Variants in PKD1L1 observed in about 807,000 individuals in gnomAD.
The protein encoded by PKD1L1 is polycystin 1 like 1, transient receptor potential channel interacting.
PKD1L1 carries 236 observed loss-of-function variants against 323.4 expected under a neutral mutation model. That is an observed-to-expected ratio of 0.73 (90% CI 0.66 to 0.81). The LOEUF is 0.81. Ranked by LOEUF, PKD1L1 falls within the 40% of genes least tolerant of loss-of-function variation. PKD1L1 has a pLI of 0.00. For missense variants in PKD1L1, 3,320 were observed against 3,508.0 expected, an observed-to-expected ratio of 0.95 and a Z score of 1.35; for synonymous variants, 1,344 against 1,335.0, an observed-to-expected ratio of 1.01 and a Z score of -0.15.
chr7:47,895,847 T>G (rs970758645), intron 14 of PKD1L1, among the ~76,000 whole-genome samples: 12 of 152,170 alleles, frequency 7.9e-5, no homozygotes, highest in African/African-American at 2.9e-4. Context: ...GTTAATTAGT[T>G]GATGTTTGGT....
At chr7:47,836,252 G>A (rs1785454772) in intron 37 of PKD1L1, among the ~76,000 whole-genome samples, 1 of 152,148 alleles carries the variant, frequency 6.6e-6, no homozygotes, top group African/African-American at 2.4e-5. Flanking sequence ...CCATGGATGG[G>A]TCGCTGACCC....
intron 45 of PKD1L1, among the ~76,000 whole-genome samples, chr7:47,823,250 G>C (rs946756124): frequency 1.3e-5 from 2 of 152,112 alleles, no homozygotes; most frequent in Non-Finnish European, 2.9e-5. Context: ...CCTACTTCTA[G>C]TCCTAGTTTG....
Position 47,809,882 on chromosome 7 carries a change from C to T in PKD1L1, c.7582-305G>A, listed in dbSNP as rs184832697. ...CTACGGCCACCAGGCCTCCCGACCT[C>T]CATGCTGATCCTCCAGTCCTTCCTT... On this transcript the variant is annotated intron_variant, in intron 50 of 56. Transcript: ENST00000289672. The T allele has an allele frequency of 7.7e-5, 19 of 246,570 alleles. No homozygotes were observed. The East Asian group carries it at 1.3e-3, about 16-fold the overall frequency. 15.3% of individuals were successfully genotyped at this position (246,570 alleles called of 1,614,324 possible). A position where few individuals can be genotyped will look rare whatever the true frequency, so the allele number is the denominator to read the frequency against.
intron 19 of PKD1L1, among the ~76,000 whole-genome samples, chr7:47,883,930 C>A (rs1301467147): frequency 1.3e-5 from 2 of 152,230 alleles, no homozygotes; most frequent in African/African-American, 4.8e-5. Context: ...AACATCTGTT[C>A]ATTCGATAGA....
intron 14 of PKD1L1, among the ~76,000 whole-genome samples, chr7:47,897,590 CCAGG>C (rs1324235184): frequency 1.1e-4 from 16 of 152,218 alleles, no homozygotes; most frequent in African/African-American, 3.9e-4. Flanking sequence ...AATCAAAGTG[CCAGG>C]CAGTCACCGT....
At chr7:47,818,107 C>A in intron 46 of PKD1L1, 1 of 1,367,714 alleles carries the variant, frequency 7.3e-7, no homozygotes, top group Non-Finnish European at 9.8e-7. Context: ...AAATTGGAGG[C>A]CTGCCAGAGC....
chr7:47,959,960 G>C, the PKD1L1 span, among the ~76,000 whole-genome samples: 2 of 151,854 alleles, frequency 1.3e-5, no homozygotes, highest in Non-Finnish European at 2.9e-5. Context: ...TTGAGAAATC[G>C]GATGGTTGCC....
Position 47,894,036 on chromosome 7 carries a change from C to T in PKD1L1, c.2295G>A (p.Val765=), listed in dbSNP as rs1244478606. Reference sequence around the variant, plus strand: ...CCAGGCCCACACAGTAGTTGCTGTACACCACACTGCCTTCAATCTGAACCT... The same window carrying T: ...CCAGGCCCACACAGTAGTTGCTGTATACCACACTGCCTTCAATCTGAACCT... ...LAKVQIEGSV[V]YSNYCVGLEV... The change falls in exon 15 of 57, where the codon GTG becomes GTA. Residue 765 remains valine (V), a synonymous_variant. Transcript: ENST00000289672. 1.9e-6 allele frequency: 3 copies of T among 1,583,504 alleles called. No individual in the cohort carries two copies. Among genetic ancestry groups the T allele is most frequent in the African/African-American group, 1.4e-5 (1 of 74,040 alleles).
At chr7:47,814,087 A>C in intron 47 of PKD1L1, 73 bp from the exon 48 acceptor site, 2 of 1,255,784 alleles carry the variant, frequency 1.6e-6, no homozygotes, top group Non-Finnish European at 2.3e-6. Flanking sequence ...GCGTGCTCAA[A>C]AGGCGTGGGG....
In PKD1L1 at chr7:47,830,025, G is replaced by A. The variant is rs1446011169; in HGVS notation, c.6558+15C>T. ...GCTGATGGAAGGCACTTCTACCATG[G>A]AGGGTGTTTCTTACCATAAGTGGCT... is the stretch of plus-strand genomic sequence containing the variant. On this transcript the variant is annotated intron_variant, in intron 43 of 56. Transcript: ENST00000289672. 6.2e-7 allele frequency: 1 copy of A among 1,612,520 alleles called. No individual in the cohort carries two copies. The highest frequency in any genetic ancestry group is 1.3e-5 in the African/African-American group (1 of 75,036).
upstream of PKD1L1, among the ~76,000 whole-genome samples, chr7:47,953,460 A>G (rs955565454): frequency 2.6e-5 from 4 of 152,144 alleles, no homozygotes; most frequent in African/African-American, 9.7e-5. Flanking sequence ...GTGAGCCCAG[A>G]TCGTATGATG....
At chr7:47,879,422 A>G (rs1329437138) in intron 21 of PKD1L1, among the ~76,000 whole-genome samples, 1 of 152,040 alleles carries the variant, frequency 6.6e-6, no homozygotes, top group African/African-American at 2.4e-5. Context: ...ACTTGAGGTC[A>G]TGAGTTCGAG....
At chr7:47,812,090 A>G (rs1200006153) in intron 49 of PKD1L1, 39 bp from the exon 50 acceptor site, 4 of 1,507,742 alleles carry the variant, frequency 2.7e-6, no homozygotes, top group Non-Finnish European at 3.6e-6. Context: ...CAGGGCAGGG[A>G]GAAAGGCACA....
chr7:47,926,219 T>C (rs1405414872), intron 7 of PKD1L1, among the ~76,000 whole-genome samples: 1 of 152,254 alleles, frequency 6.6e-6, no homozygotes, highest in Admixed American at 6.5e-5. Flanking sequence ...GTCTGCATGA[T>C]AAAATCTTTG....
intron 7 of PKD1L1, among the ~76,000 whole-genome samples, chr7:47,923,979 G>GAA (rs1787608952): frequency 6.6e-6 from 1 of 151,856 alleles, no homozygotes. Context: ...GAGAGGAAAA[G>GAA]ATGAAAACTG....
intron 56 of PKD1L1, among the ~76,000 whole-genome samples, chr7:47,781,555 C>T (rs1002110174): frequency 1.3e-5 from 2 of 151,636 alleles, no homozygotes; most frequent in East Asian, 1.9e-4. Flanking sequence ...ACTACAGGAG[C>T]CTGCCACCAT....
intron 22 of PKD1L1, 37 bp downstream of exon 22, chr7:47,877,452 G>A (rs757884054): frequency 1.9e-6 from 3 of 1,608,968 alleles, no homozygotes; most frequent in South Asian, 2.2e-5. Context: ...GCCACTGTCG[G>A]GGGTCTCTCA....
chr7:47,790,352 T>C (rs10230592), intron 56 of PKD1L1, among the ~76,000 whole-genome samples: 116,279 of 151,116 alleles, frequency 0.77, 45,050 homozygotes, highest in East Asian at 0.84. Context: ...TTTTTTGAGA[T>C]GGAGTCTCAT....
chr7:47,848,431 G>A lies in PKD1L1; in HGVS notation c.4961-1360C>T, dbSNP rs1301241856. 2.0e-5 allele frequency among the ~76,000 whole-genome samples: 3 copies of A among 152,224 alleles called. No individual in the cohort carries two copies. The East Asian group carries it at 5.8e-4, about 29-fold the overall frequency. On this transcript the variant is annotated intron_variant, in intron 31 of 56. Coordinates refer to ENST00000289672, the MANE Select transcript of PKD1L1 (RefSeq NM_138295.5). ...AGTAAGAAAAGCACAATGCAAATGA[G>A]TGTAAGAAATAAGGGGAAATAATGT...
Sources: allele counts gnomAD v4.1 joint callset (sites outside exome capture counted in the v4.1 genomes callset), GRCh38; gene constraint gnomAD v4.1.1; transcripts MANE v1.5; gene names NCBI Gene and HGNC (gene_info 2026-07-23, HGNC 2026-07-21).